RBM6: variants seen among roughly 807,000 people sequenced by gnomAD.
RBM6 encodes the protein RNA-binding protein 6.
A neutral mutation model predicts 140.4 loss-of-function variants in RBM6; 23 were observed. The observed-to-expected ratio is 0.16, with a 90% CI of 0.12 to 0.23. The LOEUF (loss-of-function observed/expected upper bound fraction) is 0.23, where lower values mean the gene tolerates loss of function less well. Ranked by LOEUF, RBM6 falls within the 10% of genes least tolerant of loss-of-function variation. RBM6 has a pLI of 1.00. For synonymous variants in RBM6, 439 were observed against 475.6 expected, an observed-to-expected ratio of 0.92 and a Z score of 1.00; for missense variants, 1,139 against 1,386.7, an observed-to-expected ratio of 0.82 and a Z score of 2.84.
rs542897497 is a variant in RBM6 at position 49,956,814 on chromosome 3, C to T, written c.-66-5762C>T. On this transcript the variant is annotated intron_variant, in intron 1 of 20. Coordinates refer to ENST00000266022, the MANE Select transcript of RBM6 (RefSeq NM_005777.3). ...CTGAGTAGCTGAATTTACAGGCATG[C>T]GCCACCATGCCCAGCTAATTTTGTA... is the stretch of plus-strand genomic sequence containing the variant. 4.0e-5 allele frequency among the ~76,000 whole-genome samples: 6 copies of T among 149,036 alleles called. 1 individual carries two copies. Among genetic ancestry groups the T allele is most frequent in the Admixed American group, 2.0e-4 (3 of 14,766 alleles).
In RBM6 at chr3:49,967,297, C is replaced by T. The variant is rs2084554388; in HGVS notation, c.45-173C>T. 4 of 1,391,198 alleles carry T rather than the reference C, an allele frequency of 2.9e-6. No homozygotes were observed. Among genetic ancestry groups the T allele is most frequent in the South Asian group, 1.9e-5 (1 of 53,440 alleles). The allele number at this position is 1,391,198 out of a possible 1,614,324, so 86.2% of individuals were successfully genotyped here. A position where few individuals can be genotyped will look rare whatever the true frequency, so the allele number is the denominator to read the frequency against. On this transcript the variant is annotated intron_variant, in intron 2 of 20. Coordinates refer to ENST00000266022, the MANE Select transcript of RBM6 (RefSeq NM_005777.3). The surrounding 1 kb of genome is among the most constrained non-coding windows in gnomAD (Gnocchi z 4.0). Reference sequence around the variant, plus strand: ...AGCATAAAAGTTTACTCCGCCACTTCGTCTTAAAATAGCAAAACTTTGCTG... The same window carrying T: ...AGCATAAAAGTTTACTCCGCCACTTTGTCTTAAAATAGCAAAACTTTGCTG...
intron 6 of RBM6, among the ~76,000 whole-genome samples, chr3:50,046,499 A>G (rs1459862478): frequency 6.6e-6 from 1 of 151,522 alleles, no homozygotes; most frequent in Non-Finnish European, 1.5e-5. Flanking sequence ...GACTCGCTTG[A>G]ACCTGGGAGG....
chr3:49,999,755 A>G (rs2086240329), intron 6 of RBM6, among the ~76,000 whole-genome samples: 1 of 134,896 alleles, frequency 7.4e-6, no homozygotes, highest in South Asian at 2.2e-4. Flanking sequence ...ACTAGATTCC[A>G]AAGACAATAG....
At chr3:50,029,516 C>T (rs1193379408) in intron 6 of RBM6, among the ~76,000 whole-genome samples, 3 of 152,092 alleles carry the variant, frequency 2.0e-5, no homozygotes, top group East Asian at 1.9e-4. Context: ...GGGCAGATCA[C>T]GAGGTCAGGA....
At chr3:49,948,672 A>G (rs867724765) in intron 1 of RBM6, among the ~76,000 whole-genome samples, 71 of 150,126 alleles carry the variant, frequency 4.7e-4, no homozygotes, top group African/African-American at 1.7e-3. Context: ...AGATTGCGCC[A>G]CTGCACTCTA....
intron 4 of RBM6, among the ~76,000 whole-genome samples, chr3:49,974,595 A>G (rs1228529378): frequency 1.3e-5 from 2 of 148,596 alleles, no homozygotes; most frequent in African/African-American, 2.5e-5. Context: ...GATGGTCTCA[A>G]TCTCCTGACC....
chr3:49,973,150 G>T (rs915499437), intron 4 of RBM6, among the ~76,000 whole-genome samples: 56 of 151,260 alleles, frequency 3.7e-4, no homozygotes, highest in African/African-American at 1.4e-3. Context: ...TTTTTTTGAG[G>T]CAGCGTCTCA....
At chr3:49,977,365 C>G (rs1258948317) in intron 5 of RBM6, among the ~76,000 whole-genome samples, 1 of 152,204 alleles carries the variant, frequency 6.6e-6, no homozygotes, top group Non-Finnish European at 1.5e-5. Flanking sequence ...GTGTCACTCT[C>G]AAATCTAAAA....
At chr3:49,994,143 A>G (rs895986088) in intron 5 of RBM6, among the ~76,000 whole-genome samples, 1 of 152,188 alleles carries the variant, frequency 6.6e-6, no homozygotes, top group Non-Finnish European at 1.5e-5. Flanking sequence ...GGCTCACTGT[A>G]GCCTTGGCTT....
chr3:49,940,301 A>G (rs2083227369), intron 1 of RBM6, 76 bp downstream of exon 1: 1 of 152,250 alleles, frequency 6.6e-6, no homozygotes, highest in South Asian at 2.1e-4. Context: ...CGCTCTAGAC[A>G]TCGCAGGCCC....
chr3:50,048,691 G>C (rs563814195), intron 7 of RBM6, among the ~76,000 whole-genome samples: 1 of 152,124 alleles, frequency 6.6e-6, no homozygotes. Context: ...TTTGGGAGTC[G>C]TACATTTTTT....
chr3:50,043,985 G>A (rs1049126085), intron 6 of RBM6, among the ~76,000 whole-genome samples: 5 of 151,402 alleles, frequency 3.3e-5, no homozygotes, highest in African/African-American at 1.2e-4. Context: ...CCGGGTTCTA[G>A]CAATTCTGCC....
chr3:50,024,777 C>T (rs557134345), intron 6 of RBM6, among the ~76,000 whole-genome samples: 2 of 152,198 alleles, frequency 1.3e-5, no homozygotes, highest in South Asian at 4.1e-4. Flanking sequence ...CACGGTGAAA[C>T]CCCGTCTCTA....
At chr3:49,950,164 G>A (rs1260610346) in intron 1 of RBM6, among the ~76,000 whole-genome samples, 1 of 152,138 alleles carries the variant, frequency 6.6e-6, no homozygotes, top group Non-Finnish European at 1.5e-5. Flanking sequence ...GGCGGTCAGA[G>A]TAACCCTTGC....
intron 15 of RBM6, among the ~76,000 whole-genome samples, chr3:50,064,204 T>C (rs138916547): frequency 0.046 from 6,964 of 152,208 alleles, 234 homozygotes; most frequent in Non-Finnish European, 0.064. Flanking sequence ...GTGCTGGGAT[T>C]ACAGGCATGA....
At position 49,958,762 on chromosome 3, in the gene RBM6, A is replaced by T. The variant is rs1575547184; in HGVS notation, c.-66-3814A>T. On this transcript the variant is annotated intron_variant, in intron 1 of 20. Coordinates refer to ENST00000266022, the MANE Select transcript of RBM6 (RefSeq NM_005777.3). ...CGAGACTCCATTTCAAAAAAAAAAA[A>T]AATTCATTCTGAAGAATTCCTTTTT... Among the ~76,000 whole-genome samples, 3 of 151,630 alleles carry T rather than the reference A, an allele frequency of 2.0e-5. No homozygotes were observed. The East Asian group carries it at 5.8e-4, about 29-fold the overall frequency.
chr3:50,034,108 T>C (rs1301587688), intron 6 of RBM6, among the ~76,000 whole-genome samples: 6 of 115,036 alleles, frequency 5.2e-5, no homozygotes, highest in Admixed American at 9.2e-5. Context: ...TTTTTTTTTT[T>C]CTGAGACAGG....
Position 49,967,635 on chromosome 3 carries a change from G to T in RBM6, c.210G>T (p.Glu70Asp), listed in dbSNP as rs1242903062. The change falls in exon 3 of 21, where the codon GAG becomes GAT. Residue 70 changes from glutamate (E) to aspartate (D), a missense_variant. Coordinates refer to ENST00000266022, the MANE Select transcript of RBM6 (RefSeq NM_005777.3). This position sits in a 1 kb window ranked among gnomAD's most constrained non-coding sequence, Gnocchi z 4.0. ...HSGPPFANVEEHSFSYGARDG... is the reference protein window; with the variant it reads ...HSGPPFANVEDHSFSYGARDG... ...GGCCTCCTTTTGCAAATGTAGAGGA[G>T]CATTCTTTCAGCTATGGAGCTAGAG... 1 of 1,614,016 alleles carries T rather than the reference G, an allele frequency of 6.2e-7. No homozygotes were observed. The highest frequency in any genetic ancestry group is 1.3e-5 in the African/African-American group (1 of 74,902).
At chr3:49,950,637 C>A (rs892523437) in intron 1 of RBM6, among the ~76,000 whole-genome samples, 2 of 151,904 alleles carry the variant, frequency 1.3e-5, no homozygotes, top group African/African-American at 4.8e-5. Context: ...TGCCTGTAAT[C>A]CCAGCTACTC....
Sources: gnomAD v4.1 joint callset for allele counts (sites outside exome capture counted in the v4.1 genomes callset) on GRCh38, gnomAD v4.1.1 for gene constraint, Gnocchi (gnomAD v3.1) non-coding constraint, MANE v1.5 for transcripts, NCBI Gene and HGNC (gene_info 2026-07-23, HGNC 2026-07-21) for gene names.